The following GRIN3A variants were observed in gnomAD, a reference collection of about 807,000 sequenced individuals.
GRIN3A encodes the protein glutamate receptor ionotropic, NMDA 3A.
A neutral mutation model predicts 92.4 loss-of-function variants in GRIN3A; 47 were observed. That is an observed-to-expected ratio of 0.51 (90% confidence interval 0.40 to 0.65). The LOEUF is 0.65. Ranked by LOEUF, GRIN3A falls within the 30% of genes least tolerant of loss-of-function variation. The probability of loss-of-function intolerance (pLI) is 0.00; values close to 1 mark genes in which losing one functional copy is unlikely to be tolerated. For missense variants in GRIN3A, 1,324 were observed against 1,393.1 expected (o/e 0.95, Z 0.79); for synonymous variants, 527 against 540.6 (o/e 0.97, Z 0.35).
chr9:101,636,974 A>G (rs1287025265), intron 3 of GRIN3A, among the ~76,000 whole-genome samples: 3 of 152,242 alleles, frequency 2.0e-5, no homozygotes, highest in African/African-American at 2.4e-5. Flanking sequence ...GACATTCCTT[A>G]TGTGCCCTTG....
At chr9:101,723,855 T>G (rs1044892931) in intron 1 of GRIN3A, among the ~76,000 whole-genome samples, 1 of 151,160 alleles carries the variant, frequency 6.6e-6, no homozygotes, top group East Asian at 2.0e-4. Context: ...AGAGTGCCGA[T>G]TGGTGTATTT....
chr9:101,712,441 A>G (rs1257518228), intron 1 of GRIN3A, among the ~76,000 whole-genome samples: 1 of 152,214 alleles, frequency 6.6e-6, no homozygotes, highest in Non-Finnish European at 1.5e-5. Flanking sequence ...TCAAAGTTAC[A>G]GAACTAAGTG....
intron 6 of GRIN3A, chr9:101,591,626 A>G (rs963797186): frequency 2.6e-5 from 4 of 152,236 alleles, no homozygotes; most frequent in Non-Finnish European, 4.4e-5. Flanking sequence ...TGCTCAATAA[A>G]TGTTTATTAT....
intron 3 of GRIN3A, among the ~76,000 whole-genome samples, chr9:101,658,815 G>C (rs1282917480): frequency 1.3e-5 from 2 of 148,792 alleles, no homozygotes; most frequent in Admixed American, 6.7e-5. Context: ...GAGTAGGCTT[G>C]TATTCAGTTG....
In GRIN3A at chr9:101,628,338, C is replaced by A. The variant is rs1181082850; in HGVS notation, c.2416G>T (p.Val806Leu). ...TVRESSAEDY[V>L]RQSFPEMHEY... is the part of the protein sequence containing the mutation. ...TGCATCTCTGGGAAACTTTGTCTCA[C>A]ATAATCTTCAGCACTGCTTTCTCGG... Residue 806 changes from valine to leucine, a missense_variant, in exon 4 of 9, where the codon GTG (valine) becomes TTG (leucine). Val to Leu is a conservative substitution (Grantham distance 32). Coordinates refer to ENST00000361820, the MANE Select transcript of GRIN3A (RefSeq NM_133445.3). The A allele has an allele frequency of 1.2e-6, 2 of 1,613,958 alleles. No homozygotes were observed. The highest frequency in any genetic ancestry group is 1.7e-6 in the Non-Finnish European group (2 of 1,179,900).
intron 6 of GRIN3A, among the ~76,000 whole-genome samples, chr9:101,580,162 C>A (rs1827870669): frequency 6.6e-6 from 1 of 152,186 alleles, no homozygotes; most frequent in African/African-American, 2.4e-5. Context: ...AGCCACCCCA[C>A]TCAGCATAAA....
chr9:101,683,451 A>G (rs1258682926), intron 2 of GRIN3A, among the ~76,000 whole-genome samples: 1 of 152,216 alleles, frequency 6.6e-6, no homozygotes, highest in Non-Finnish European at 1.5e-5. Context: ...TTACTTTCTG[A>G]AAGACTGTAT....
intron 5 of GRIN3A, among the ~76,000 whole-genome samples, chr9:101,616,888 T>TAATAAA (rs1190517938): frequency 9.9e-6 from 1 of 101,436 alleles, no homozygotes; most frequent in Non-Finnish European, 1.9e-5. Flanking sequence ...ACTTAAAGTA[T>TAATAAA]AAAAAAAAAA....
chr9:101,590,253 G>T, intron 6 of GRIN3A, among the ~76,000 whole-genome samples: 1 of 152,154 alleles, frequency 6.6e-6, no homozygotes, highest in Admixed American at 6.5e-5. Context: ...ACAGTCATTG[G>T]CTACTGGGGT....
intron 4 of GRIN3A, among the ~76,000 whole-genome samples, chr9:101,627,124 A>C (rs1347764448): frequency 6.6e-6 from 1 of 152,140 alleles, no homozygotes; most frequent in Non-Finnish European, 1.5e-5. Context: ...CTCAACCATA[A>C]ATTCGCCTGA....
chr9:101,574,711 T>G (rs1348728101), intron 8 of GRIN3A, among the ~76,000 whole-genome samples: 1 of 152,156 alleles, frequency 6.6e-6, no homozygotes, highest in Non-Finnish European at 1.5e-5. Flanking sequence ...CAGTTAGGAG[T>G]GTTCTCACAA....
rs1002110534 is a variant in GRIN3A, at chr9:101,737,660, G to A, written c.320C>T (p.Pro107Leu). ...CTCCCCGGGCTTACGGGAGCCCGGC[G>A]GCCCCCGGCCATGCAGGGTGCTCCC... ...WLGSTLHGRG[P>L]PGSRKPGEGA... is the part of the protein sequence containing the mutation. The change falls in exon 1 of 9, where the codon CCG becomes CTG. Residue 107 changes from proline to leucine, a missense_variant. Transcript: ENST00000361820. 2 of 1,599,566 alleles carry A rather than the reference G, an allele frequency of 1.3e-6. No individual in the cohort carries two copies.
chr9:101,632,786 A>C (rs1489860337), intron 3 of GRIN3A, among the ~76,000 whole-genome samples: 1 of 152,176 alleles, frequency 6.6e-6, no homozygotes, highest in Non-Finnish European at 1.5e-5. Flanking sequence ...TGTAATTCAG[A>C]CAGCCAGGGA....
chr9:101,656,680 G>A (rs1349219492), intron 3 of GRIN3A, among the ~76,000 whole-genome samples: 2 of 151,904 alleles, frequency 1.3e-5, no homozygotes, highest in African/African-American at 4.8e-5. Context: ...TCCTGGAGTT[G>A]CCAGAACTGC....
chr9:101,588,869 ATTGAC>A (rs1333791575), intron 6 of GRIN3A, among the ~76,000 whole-genome samples: 2 of 152,046 alleles, frequency 1.3e-5, no homozygotes. Flanking sequence ...TTTTGTTATA[ATTGAC>A]TTGACTACTC....
intron 8 of GRIN3A, 46 bp from the exon 9 acceptor site, chr9:101,573,559 T>TG: frequency 7.0e-7 from 1 of 1,433,742 alleles, no homozygotes. Context: ...TCTGCAGCTC[T>TG]CAAGGTGCTG....
chr9:101,616,897 A>C (rs540867623), intron 5 of GRIN3A, among the ~76,000 whole-genome samples: 38 of 151,014 alleles, frequency 2.5e-4, no homozygotes, highest in Middle Eastern at 3.4e-3. Context: ...ATAAAAAAAA[A>C]AAAAAAAAAA....
intron 6 of GRIN3A, chr9:101,594,976 G>C: frequency 6.4e-7 from 1 of 1,560,100 alleles, no homozygotes; most frequent in African/African-American, 1.3e-5. Context: ...GAGCAGGGGC[G>C]GTGAGCTCGG....
At chr9:101,681,037 T>C (rs2506352) in intron 2 of GRIN3A, among the ~76,000 whole-genome samples, 32,958 of 152,134 alleles carry the variant, frequency 0.22, 3,974 homozygotes, top group East Asian at 0.56. Flanking sequence ...AAGATAAGTG[T>C]TGATGACCAG....
Sources: allele counts gnomAD v4.1 joint callset (sites outside exome capture counted in the v4.1 genomes callset), GRCh38; gene constraint gnomAD v4.1.1; transcripts MANE v1.5; gene names NCBI Gene and HGNC (gene_info 2026-07-23, HGNC 2026-07-21).